CARMIL1: variants seen among roughly 807,000 people sequenced by gnomAD.
CARMIL1 encodes the protein F-actin-uncapping protein LRRC16A.
A neutral mutation model predicts 177.1 loss-of-function variants in CARMIL1; 90 were observed. The ratio of observed to expected loss-of-function variants is 0.51; its 90% confidence interval spans 0.43 to 0.61. CARMIL1 has a LOEUF of 0.61. Ranked by LOEUF, CARMIL1 falls within the 20% of genes least tolerant of loss-of-function variation. CARMIL1 has a pLI of 0.00. For missense variants in CARMIL1, 1,380 were observed against 1,667.0 expected (o/e 0.83, Z 3.00); for synonymous variants, 577 against 606.2 (o/e 0.95, Z 0.71).
intron 2 of CARMIL1, among the ~76,000 whole-genome samples, chr6:25,402,084 T>C (rs1057232920): frequency 6.6e-6 from 1 of 151,922 alleles, no homozygotes; most frequent in African/African-American, 2.4e-5. Flanking sequence ...CACTGTGAAA[T>C]TGACTGTCAT....
At chr6:25,435,177 AGACGTTTCTG>A (rs1797119972) in intron 4 of CARMIL1, among the ~76,000 whole-genome samples, 1 of 152,176 alleles carries the variant, frequency 6.6e-6, no homozygotes, top group Non-Finnish European at 1.5e-5. Flanking sequence ...TTCAGTTTCT[AGACGTTTCTG>A]ACAATACTTC....
intron 34 of CARMIL1, among the ~76,000 whole-genome samples, chr6:25,605,420 A>G (rs1466607795): frequency 1.3e-5 from 2 of 152,230 alleles, no homozygotes. Context: ...GTGTGATAGA[A>G]TCCTCACTTT....
intron 2 of CARMIL1, among the ~76,000 whole-genome samples, chr6:25,349,672 A>T (rs1354949103): frequency 6.6e-6 from 1 of 150,912 alleles, no homozygotes; most frequent in African/African-American, 2.4e-5. Flanking sequence ...GCCCTTCACC[A>T]TGGGCAAGGA....
chr6:25,399,295 TTGTCTGGCTCTGCCAGAA>T (rs1793695394), intron 2 of CARMIL1, among the ~76,000 whole-genome samples: 1 of 152,210 alleles, frequency 6.6e-6, no homozygotes, highest in African/African-American at 2.4e-5. Flanking sequence ...GGACTTGCCA[TTGTCTGGCTCTGCCAGAA>T]TGTGGTTGTC....
chr6:25,427,274 C>A (rs897404462), intron 4 of CARMIL1, among the ~76,000 whole-genome samples: 2 of 152,134 alleles, frequency 1.3e-5, no homozygotes, highest in African/African-American at 4.8e-5. Flanking sequence ...ACCTATCCAT[C>A]CATCACCTAG....
At chr6:25,575,328 CG>C (rs1394709575) in intron 29 of CARMIL1, among the ~76,000 whole-genome samples, 2 of 152,156 alleles carry the variant, frequency 1.3e-5, no homozygotes, top group Non-Finnish European at 1.5e-5. Context: ...TTTCCTTCTT[CG>C]TGGGAACATT....
intron 4 of CARMIL1, among the ~76,000 whole-genome samples, chr6:25,432,680 A>G (rs984535620): frequency 2.4e-4 from 36 of 152,120 alleles, no homozygotes; most frequent in Admixed American, 9.8e-4. Context: ...ATTGTTTGCT[A>G]TGTCACAGAA....
At chr6:25,294,018 A>G (rs1366624578) in intron 2 of CARMIL1, among the ~76,000 whole-genome samples, 1 of 152,222 alleles carries the variant, frequency 6.6e-6, no homozygotes, top group Non-Finnish European at 1.5e-5. Flanking sequence ...CACTGTGCCC[A>G]ACCCAAGGTT....
chr6:25,610,241 A>C, intron 36 of CARMIL1, 60 bp downstream of exon 36: 1 of 1,531,644 alleles, frequency 6.5e-7, no homozygotes, highest in Non-Finnish European at 8.8e-7. Context: ...GGACATTTCA[A>C]AATAAAGGAA....
intron 23 of CARMIL1, among the ~76,000 whole-genome samples, chr6:25,528,165 C>T (rs1807353169): frequency 2.0e-5 from 3 of 152,046 alleles, no homozygotes; most frequent in Admixed American, 6.5e-5. Context: ...TATAAAAATA[C>T]AGAAATCTAT....
At chr6:25,354,330 A>ATTTT (rs67395838) in intron 2 of CARMIL1, among the ~76,000 whole-genome samples, 10 of 80,600 alleles carry the variant, frequency 1.2e-4, no homozygotes, top group East Asian at 5.9e-4. Flanking sequence ...GACTAATTAA[A>ATTTT]TTTTTTTTTT....
chr6:25,409,561 A>G (rs1306997843), intron 2 of CARMIL1, among the ~76,000 whole-genome samples: 1 of 152,134 alleles, frequency 6.6e-6, no homozygotes, highest in Non-Finnish European at 1.5e-5. Context: ...TCTAAAGCTC[A>G]TGTTCTTGCC....
At position 25,457,667 on chromosome 6, in the gene CARMIL1, G is replaced by GT. The variant is rs201068957; in HGVS notation, c.614+6958dup. On this transcript the variant is annotated intron_variant, in intron 8 of 36. Coordinates refer to ENST00000329474, the MANE Select transcript of CARMIL1 (RefSeq NM_017640.6). ...TGCTAGGCTCTGAGTTTTACCAGCC[G>GT]TTCCACGAGAGTGCATAATCCATTG... 6.9e-3 allele frequency among the ~76,000 whole-genome samples: 1,050 copies of GT among 152,280 alleles called. 40 individuals carry two copies. The highest frequency in any genetic ancestry group is 1.9e-3 in the Non-Finnish European group (128 of 68,030).
At chr6:25,339,253 A>T (rs971419487) in intron 2 of CARMIL1, among the ~76,000 whole-genome samples, 2 of 152,224 alleles carry the variant, frequency 1.3e-5, no homozygotes, top group Admixed American at 6.5e-5. Flanking sequence ...TTGCGAAGTC[A>T]TTTGAATATG....
chr6:25,606,869 A>G (rs191847235), intron 35 of CARMIL1, among the ~76,000 whole-genome samples: 4 of 152,296 alleles, frequency 2.6e-5, no homozygotes, highest in Admixed American at 2.6e-4. Context: ...ATGGTCTGCA[A>G]AGTGTAAAAT....
At chr6:25,284,699 ACT>A (rs1272884911) in intron 1 of CARMIL1, 111 bp from the exon 2 acceptor site, 7 of 630,142 alleles carry the variant, frequency 1.1e-5, no homozygotes, top group Admixed American at 5.4e-5. Context: ...ACAGAGTAAG[ACT>A]CTGTCTCAAA....
At chr6:25,478,213 TAAGAC>T in intron 11 of CARMIL1, among the ~76,000 whole-genome samples, 1 of 152,152 alleles carries the variant, frequency 6.6e-6, no homozygotes, top group Non-Finnish European at 1.5e-5. Flanking sequence ...ATCTTCTAAA[TAAGAC>T]AAGAGACTTA....
At chr6:25,602,235 A>G (rs1257135921) in intron 33 of CARMIL1, among the ~76,000 whole-genome samples, 2 of 152,230 alleles carry the variant, frequency 1.3e-5, no homozygotes, top group African/African-American at 4.8e-5. Context: ...CCACAGAACT[A>G]TATCCTGCTC....
rs746905295 is a variant in CARMIL1 at position 25,476,390 on chromosome 6, G to A, written c.874+3869G>A. 3.9e-5 allele frequency among the ~76,000 whole-genome samples: 6 copies of A among 152,110 alleles called. No individual in the cohort carries two copies. In the East Asian group the frequency reaches 5.8e-4, roughly 15 times the overall value. On this transcript the variant is annotated intron_variant, in intron 11 of 36. Coordinates refer to ENST00000329474, the MANE Select transcript of CARMIL1 (RefSeq NM_017640.6). ...ATTTTGACATCCTGGAAATATTTTC[G>A]CAGACCAAGACTTTTCTCATTTCTG...
Sources: gnomAD v4.1 joint callset for allele counts (sites outside exome capture counted in the v4.1 genomes callset) on GRCh38, gnomAD v4.1.1 for gene constraint, MANE v1.5 for transcripts, NCBI Gene and HGNC (gene_info 2026-07-23, HGNC 2026-07-21) for gene names.